Variants in TNFSF15 observed in about 807,000 individuals in gnomAD.
TNFSF15 encodes the protein TNF superfamily member 15, also known as tumor necrosis factor ligand superfamily member 15.
TNFSF15 carries 15 observed loss-of-function variants against 26.4 expected under a neutral mutation model. The ratio of observed to expected loss-of-function variants is 0.57; its 90% confidence interval spans 0.38 to 0.87. TNFSF15 has a LOEUF of 0.87. TNFSF15 is among the 40% of genes least tolerant of loss of function. The probability of loss-of-function intolerance (pLI) is 0.00; values close to 1 mark genes in which losing one functional copy is unlikely to be tolerated. For synonymous variants in TNFSF15, 116 were observed against 115.0 expected, an observed-to-expected ratio of 1.01 and a Z score of -0.06; for missense variants, 290 against 306.1, an observed-to-expected ratio of 0.95 and a Z score of 0.39.
In TNFSF15 at chr9:114,785,033, T is replaced by C. The variant is rs1314175628; in HGVS notation, c.*5419A>G. 2.0e-5 allele frequency: 3 copies of C among 152,266 alleles called. No homozygotes were observed. The highest frequency in any genetic ancestry group is 7.2e-5 in the African/African-American group (3 of 41,472). The allele number at this position is 152,266 out of a possible 1,614,324, so 9.4% of individuals were successfully genotyped here. On this transcript the variant is annotated 3_prime_UTR_variant, in exon 4 of 4. Transcript: ENST00000374045. ...TCTTGTTCCTCCTGAATGTATACAC[T>C]GTGAGAGTAGGACTTGCCTGTCGCA...
chr9:114,799,262 C>T (rs1829709541), intron 1 of TNFSF15, among the ~76,000 whole-genome samples: 1 of 152,144 alleles, frequency 6.6e-6, no homozygotes, highest in South Asian at 2.1e-4. Context: ...GTTTCCTCGT[C>T]AATAAAAGCA....
intron 3 of TNFSF15, 89 bp from the exon 4 acceptor site, chr9:114,790,995 T>A: frequency 7.5e-7 from 1 of 1,332,130 alleles, no homozygotes; most frequent in Admixed American, 2.1e-5. Flanking sequence ...CAAAATAGAC[T>A]AAAGTGATCG....
intron 1 of TNFSF15, among the ~76,000 whole-genome samples, chr9:114,802,138 C>G (rs1023503041): frequency 6.6e-6 from 1 of 152,098 alleles, no homozygotes; most frequent in African/African-American, 2.4e-5. Context: ...TGGTAGATTG[C>G]CTGTGATGTG....
rs112003309 is a variant in TNFSF15 at position 114,805,143 on chromosome 9, C to T, written c.210+660G>A. Among the ~76,000 whole-genome samples, 375 of 152,266 alleles carry T rather than the reference C, an allele frequency of 2.5e-3. 1 individual carries two copies. Among genetic ancestry groups the T allele is most frequent in the Non-Finnish European group, 4.2e-3 (286 of 68,036 alleles). On this transcript the variant is annotated intron_variant, in intron 1 of 3. Coordinates refer to ENST00000374045, the MANE Select transcript of TNFSF15 (RefSeq NM_005118.4). ...GCCTCAGCAAGACCTTAGAGATAGA[C>T]AACCAGGCAGGAGGTTCTTTCTTAA...
At chr9:114,797,734 A>G (rs910250620) in intron 1 of TNFSF15, among the ~76,000 whole-genome samples, 9 of 152,120 alleles carry the variant, frequency 5.9e-5, no homozygotes, top group African/African-American at 1.9e-4. Context: ...GGTCATGGCA[A>G]CATTAGCCTC....
intron 1 of TNFSF15, among the ~76,000 whole-genome samples, chr9:114,799,828 C>G (rs1296019368): frequency 6.6e-6 from 1 of 152,194 alleles, no homozygotes; most frequent in Non-Finnish European, 1.5e-5. Flanking sequence ...GATTCACAGC[C>G]AGGCTTGCTT....
At position 114,785,395 on chromosome 9, in the gene TNFSF15, G is replaced by A. The variant is rs923422359; in HGVS notation, c.*5057C>T. 2 of 152,180 alleles carry A rather than the reference G, an allele frequency of 1.3e-5. No homozygotes were observed. Among genetic ancestry groups the A allele is most frequent in the African/African-American group, 4.8e-5 (2 of 41,438 alleles). 9.4% of individuals were successfully genotyped at this position (152,180 alleles called of 1,614,324 possible). On this transcript the variant is annotated 3_prime_UTR_variant, in exon 4 of 4. Coordinates refer to ENST00000374045, the MANE Select transcript of TNFSF15 (RefSeq NM_005118.4). ...TGTTGGACACTCTCTGGACAAATGG[G>A]AAATGACAGCTAATTACTGAACCCT...
In TNFSF15 at chr9:114,785,862, T is replaced by A. The variant is rs1829492710; in HGVS notation, c.*4590A>T. Reference sequence around the variant, plus strand: ...AGGTTAGAAGAGTCCAGGATTATGGTTCAGGAAGACAGCTTCCTAGCTCTA... The same window carrying A: ...AGGTTAGAAGAGTCCAGGATTATGGATCAGGAAGACAGCTTCCTAGCTCTA... On this transcript the variant is annotated 3_prime_UTR_variant, in exon 4 of 4. Transcript: ENST00000374045. 6.6e-6 allele frequency: 1 copy of A among 152,232 alleles called. No individual in the cohort carries two copies. Among genetic ancestry groups the A allele is most frequent in the Admixed American group, 6.5e-5 (1 of 15,282 alleles). The allele number at this position is 152,232 out of a possible 1,614,324, so 9.4% of individuals were successfully genotyped here.
chr9:114,790,661 T>C lies in TNFSF15; in HGVS notation c.547A>G (p.Lys183Glu). Residue 183 changes from lysine to glutamate, a missense_variant, in exon 4 of 4, where the codon AAG becomes GAG. Physicochemically the swap from Lys to Glu is moderately conservative, Grantham distance 56. Around this residue, in one of 3 missense-constraint regions of TNFSF15, gnomAD observed 102 missense variants for 114.7 expected, o/e 0.89. Transcript: ENST00000374045. ...GGCTCAGGGTAGCTGTCTGTTACCT[T>C]GGTGATGACCACAGTGATGGAGTCT... is the stretch of plus-strand genomic sequence containing the variant. Reference protein sequence around the residue: ...KPDSITVVITKVTDSYPEPTQ... With the variant: ...KPDSITVVITEVTDSYPEPTQ... 6.2e-7 allele frequency: 1 copy of C among 1,614,100 alleles called. No homozygotes were observed. The highest frequency in any genetic ancestry group is 8.5e-7 in the Non-Finnish European group (1 of 1,180,010).
chr9:114,805,233 C>T (rs560605949), intron 1 of TNFSF15, among the ~76,000 whole-genome samples: 10 of 152,312 alleles, frequency 6.6e-5, no homozygotes, highest in African/African-American at 2.4e-4. Flanking sequence ...ATAGCATCCA[C>T]ATATAGGAAT....
chr9:114,788,526 C>T lies in TNFSF15; in HGVS notation c.*1926G>A, dbSNP rs988066425. On this transcript the variant is annotated 3_prime_UTR_variant, in exon 4 of 4. Transcript: ENST00000374045. ...TAACTCAATAAATATTAATGAAGTGCTCCTGCTACACTGGACACTTTGCTC... is the reference window on the plus strand; with the variant it reads ...TAACTCAATAAATATTAATGAAGTGTTCCTGCTACACTGGACACTTTGCTC... 1.3e-5 allele frequency: 2 copies of T among 152,230 alleles called. No homozygotes were observed. Among genetic ancestry groups the T allele is most frequent in the Admixed American group, 1.3e-4 (2 of 15,288 alleles). The allele number at this position is 152,230 out of a possible 1,614,324, so 9.4% of individuals were successfully genotyped here.
At chr9:114,803,333 A>G (rs567264901) in intron 1 of TNFSF15, among the ~76,000 whole-genome samples, 18 of 152,292 alleles carry the variant, frequency 1.2e-4, no homozygotes, top group African/African-American at 4.3e-4. Context: ...CTCCTTCTGC[A>G]CACGCCTTAT....
chr9:114,797,058 C>T (rs1829681436), intron 1 of TNFSF15, among the ~76,000 whole-genome samples: 1 of 152,194 alleles, frequency 6.6e-6, no homozygotes, highest in Admixed American at 6.5e-5. Flanking sequence ...ATCTTGATTG[C>T]ATCCTCTGGT....
Position 114,789,997 on chromosome 9 carries a change from C to G in TNFSF15, c.*455G>C, listed in dbSNP as rs1320084195. 2 of 153,372 alleles carry G rather than the reference C, an allele frequency of 1.3e-5. No homozygotes were observed. The highest frequency in any genetic ancestry group is 2.9e-5 in the Non-Finnish European group (2 of 68,816). 9.5% of individuals were successfully genotyped at this position (153,372 alleles called of 1,614,324 possible). A position where few individuals can be genotyped will look rare whatever the true frequency, so the allele number is the denominator to read the frequency against. On this transcript the variant is annotated 3_prime_UTR_variant, in exon 4 of 4. Coordinates refer to ENST00000374045, the MANE Select transcript of TNFSF15 (RefSeq NM_005118.4). The stretch of plus-strand genomic sequence containing the variant: ...GTGGAAAAATTGGTGAAGGATTTTG[C>G]CTCTGAAAGTTTATACTGTTTTCTA...
intron 2 of TNFSF15, chr9:114,792,656 A>C: frequency 8.0e-7 from 1 of 1,245,404 alleles, no homozygotes; most frequent in Non-Finnish European, 1.1e-6. Context: ...ACTCAGAAGA[A>C]AGAGTCTTGA....
chr9:114,792,222 TGTACACACACACACAC>T (rs1829611915), intron 3 of TNFSF15, 169 bp downstream of exon 3: 1 of 602,490 alleles, frequency 1.7e-6, no homozygotes, highest in African/African-American at 2.5e-5. Context: ...TACATATGTG[TGTACACACACACACAC>T]ACACACACAC....
rs568768063 is a variant in TNFSF15, at chr9:114,791,130, T to C, written c.302-224A>G. 1.3e-5 allele frequency: 8 copies of C among 609,088 alleles called. No homozygotes were observed. In the East Asian group the frequency reaches 2.2e-4, roughly 17 times the overall value. 37.7% of individuals were successfully genotyped at this position (609,088 alleles called of 1,614,324 possible). A position where few individuals can be genotyped will look rare whatever the true frequency, so the allele number is the denominator to read the frequency against. On this transcript the variant is annotated intron_variant, in intron 3 of 3. Transcript: ENST00000374045. ...TGACCTGGGGCAAATTACTTTGCCTTTCTGAGACTGAGTGGTCTGACCTGA... is the reference window on the plus strand; with the variant it reads ...TGACCTGGGGCAAATTACTTTGCCTCTCTGAGACTGAGTGGTCTGACCTGA...
At chr9:114,804,132 C>T (rs1426091530) in intron 1 of TNFSF15, among the ~76,000 whole-genome samples, 1 of 152,180 alleles carries the variant, frequency 6.6e-6, no homozygotes, top group Non-Finnish European at 1.5e-5. Context: ...TGCAATCATC[C>T]CCACACATCT....
chr9:114,802,026 A>G (rs943816327), intron 1 of TNFSF15, among the ~76,000 whole-genome samples: 5 of 152,194 alleles, frequency 3.3e-5, no homozygotes, highest in African/African-American at 9.7e-5. Flanking sequence ...CACATTATAT[A>G]TGCTGTTAAC....
Sources: gnomAD v4.1 joint callset for allele counts (sites outside exome capture counted in the v4.1 genomes callset) on GRCh38, gnomAD v4.1.1 for gene constraint, gnomAD v4.1.1 regional missense constraint, MANE v1.5 for transcripts, NCBI Gene and HGNC (gene_info 2026-07-23, HGNC 2026-07-21) for gene names.